Variants in PLPP1 observed in about 807,000 individuals in gnomAD.
PLPP1 encodes lipid phosphate phosphohydrolase 1a.
PLPP1 carries 24 observed loss-of-function variants against 31.2 expected under a neutral mutation model. The ratio of observed to expected loss-of-function variants is 0.77; its 90% CI spans 0.56 to 1.08. PLPP1 has a LOEUF of 1.08. Among genes scored for constraint, PLPP1 ranks in the 50% least tolerant of loss-of-function variants. The probability of loss-of-function intolerance (pLI) is 0.00; values close to 1 mark genes in which losing one functional copy is unlikely to be tolerated. For missense variants in PLPP1, 319 were observed against 342.7 expected (o/e 0.93, Z 0.55); for synonymous variants, 146 against 126.3 (o/e 1.16, Z -1.05).
At chr5:55,448,667 C>G (rs1016068275) in intron 3 of PLPP1, among the ~76,000 whole-genome samples, 2 of 152,168 alleles carry the variant, frequency 1.3e-5, no homozygotes, top group Non-Finnish European at 2.9e-5. Flanking sequence ...AGGCTGGTCT[C>G]AAACTCCTGA....
rs531153146 is a variant in PLPP1, at chr5:55,483,938, C to T, written c.59-8488G>A. On this transcript the variant is annotated intron_variant, in intron 1 of 5. Transcript: ENST00000307259. ...ATATGTTTACATAGATGTTCTTCTA[C>T]GATGAGCTACTAACTCACTATGCAA... 3.4e-4 allele frequency among the ~76,000 whole-genome samples: 52 copies of T among 152,256 alleles called. No individual in the cohort carries two copies. The South Asian group carries it at 9.5e-3, about 28-fold the overall frequency.
chr5:55,521,676 AT>A (rs780046021), intron 1 of PLPP1, among the ~76,000 whole-genome samples: 1 of 152,104 alleles, frequency 6.6e-6, no homozygotes, highest in Non-Finnish European at 1.5e-5. Flanking sequence ...CAGTTTTATC[AT>A]TTTTCCTATG....
At chr5:55,458,705 T>C (rs969163090) in intron 3 of PLPP1, among the ~76,000 whole-genome samples, 3 of 151,668 alleles carry the variant, frequency 2.0e-5, no homozygotes. Context: ...CTGTCCAACA[T>C]GGTGAAACCC....
intron 1 of PLPP1, among the ~76,000 whole-genome samples, chr5:55,528,991 C>T (rs1184556868): frequency 6.6e-6 from 1 of 152,024 alleles, no homozygotes; most frequent in African/African-American, 2.4e-5. Flanking sequence ...CTCACTGTAT[C>T]ACGGTCACAC....
At chr5:55,445,158 T>C (rs1280377284) in intron 3 of PLPP1, among the ~76,000 whole-genome samples, 1 of 152,154 alleles carries the variant, frequency 6.6e-6, no homozygotes, top group African/African-American at 2.4e-5. Context: ...CCCAATATCA[T>C]GGCATTGAGA....
At chr5:55,481,313 A>T (rs992018) in intron 1 of PLPP1, among the ~76,000 whole-genome samples, 130,173 of 152,182 alleles carry the variant, frequency 0.86, 56,156 homozygotes, top group South Asian at 0.92. Flanking sequence ...AAATTACAAA[A>T]CTGCCTTCAC....
chr5:55,456,657 A>G (rs1169227562), intron 3 of PLPP1, among the ~76,000 whole-genome samples: 1 of 152,208 alleles, frequency 6.6e-6, no homozygotes, highest in Admixed American at 6.5e-5. Context: ...CAGCCAAACT[A>G]CACTCCACAA....
intron 1 of PLPP1, among the ~76,000 whole-genome samples, chr5:55,503,250 G>A (rs1753184205): frequency 6.6e-6 from 1 of 152,042 alleles, no homozygotes; most frequent in Admixed American, 6.5e-5. Flanking sequence ...TTCATACCAG[G>A]TATTACAATA....
intron 4 of PLPP1, among the ~76,000 whole-genome samples, chr5:55,426,882 A>G (rs1751211663): frequency 1.3e-5 from 2 of 152,136 alleles, no homozygotes; most frequent in African/African-American, 4.8e-5. Context: ...TGCAAGTAAT[A>G]TAGGTTGTAG....
chr5:55,426,937 T>C (rs547170490), intron 4 of PLPP1, among the ~76,000 whole-genome samples: 1 of 152,260 alleles, frequency 6.6e-6, no homozygotes, highest in South Asian at 2.1e-4. Flanking sequence ...CAACAGTACT[T>C]GTATCCCCTT....
chr5:55,508,289 C>T (rs1753328107), intron 1 of PLPP1, among the ~76,000 whole-genome samples: 1 of 152,162 alleles, frequency 6.6e-6, no homozygotes, highest in Admixed American at 6.5e-5. Context: ...CTCTTTGGCC[C>T]TGATGGAAAA....
At chr5:55,504,171 C>G (rs1753211175) in intron 1 of PLPP1, among the ~76,000 whole-genome samples, 1 of 151,176 alleles carries the variant, frequency 6.6e-6, no homozygotes, top group Admixed American at 6.6e-5. Context: ...GAGTTTAAGA[C>G]CAGGCTGGCC....
chr5:55,494,926 C>T (rs1752971926), intron 1 of PLPP1, among the ~76,000 whole-genome samples: 1 of 147,602 alleles, frequency 6.8e-6, no homozygotes, highest in Admixed American at 6.9e-5. Flanking sequence ...CGAGACCAGC[C>T]TGGCCAACAT....
At chr5:55,486,061 T>C (rs1429993476) in intron 1 of PLPP1, among the ~76,000 whole-genome samples, 1 of 152,218 alleles carries the variant, frequency 6.6e-6, no homozygotes, top group Non-Finnish European at 1.5e-5. Flanking sequence ...CTGTTTTCTA[T>C]GCTTGATAAG....
At chr5:55,478,921 G>A (rs1752614331) in intron 1 of PLPP1, among the ~76,000 whole-genome samples, 1 of 151,810 alleles carries the variant, frequency 6.6e-6, no homozygotes, top group Non-Finnish European at 1.5e-5. Flanking sequence ...TCTGTTGAGA[G>A]AATCAAGAAA....
At chr5:55,433,144 C>CAAA (rs57495015) in intron 4 of PLPP1, among the ~76,000 whole-genome samples, 1 of 125,324 alleles carries the variant, frequency 8.0e-6, no homozygotes, top group African/African-American at 3.1e-5. Flanking sequence ...CCCATCTCTA[C>CAAA]AAAAAAAAAA....
intron 3 of PLPP1, among the ~76,000 whole-genome samples, chr5:55,451,654 C>T (rs1391349412): frequency 2.0e-5 from 3 of 151,964 alleles, no homozygotes; most frequent in East Asian, 1.9e-4. Context: ...CTCTGCCTTC[C>T]GGGTTCAGGC....
intron 4 of PLPP1, among the ~76,000 whole-genome samples, chr5:55,436,017 GAAAAA>G (rs57953984): frequency 8.7e-6 from 1 of 114,888 alleles, no homozygotes. Context: ...CTGTCTCAGA[GAAAAA>G]AAAAAAAAAA....
intron 3 of PLPP1, among the ~76,000 whole-genome samples, chr5:55,463,431 G>T (rs1249649670): frequency 2.0e-5 from 3 of 152,100 alleles, no homozygotes; most frequent in Non-Finnish European, 4.4e-5. Flanking sequence ...GGAGGCTGAG[G>T]CGAGTAGATC....
Sources: gnomAD v4.1 joint callset for allele counts (sites outside exome capture counted in the v4.1 genomes callset) on GRCh38, gnomAD v4.1.1 for gene constraint, MANE v1.5 for transcripts, NCBI Gene and HGNC (gene_info 2026-07-23, HGNC 2026-07-21) for gene names.